Variants in ATG4C observed in about 807,000 individuals in gnomAD.
The protein encoded by ATG4C is cysteine protease ATG4C.
Under a neutral mutation model 57.6 loss-of-function variants are expected in ATG4C, and 56 were observed. That is an observed-to-expected ratio of 0.97 (90% CI 0.78 to 1.21). ATG4C has a LOEUF of 1.21. Ranked by LOEUF, ATG4C falls within the 50% of genes most tolerant of loss-of-function variation. The probability of loss-of-function intolerance (pLI) is 0.00; values close to 1 mark genes in which losing one functional copy is unlikely to be tolerated. For synonymous variants in ATG4C, 157 were observed against 174.1 expected (o/e 0.90, Z 0.78); for missense variants, 595 against 529.8 (o/e 1.12, Z -1.21).
intron 10 of ATG4C, among the ~76,000 whole-genome samples, chr1:62,850,140 A>G (rs2100355622): frequency 6.6e-6 from 1 of 152,288 alleles, no homozygotes; most frequent in African/African-American, 2.4e-5. Flanking sequence ...TACTAAATAA[A>G]TGACAACTCC....
At chr1:62,843,655 A>G (rs1666238208) in intron 10 of ATG4C, among the ~76,000 whole-genome samples, 1 of 152,166 alleles carries the variant, frequency 6.6e-6, no homozygotes, top group Non-Finnish European at 1.5e-5. Flanking sequence ...CTTATGCTAT[A>G]TGATTTTAAA....
chr1:62,799,573 A>G (rs978459682), intron 1 of ATG4C, among the ~76,000 whole-genome samples: 3 of 152,198 alleles, frequency 2.0e-5, no homozygotes, highest in African/African-American at 7.2e-5. Context: ...CTTTGAGGTT[A>G]GAATATTTGT....
At chr1:62,796,446 TA>T (rs1274167347) in intron 1 of ATG4C, among the ~76,000 whole-genome samples, 1 of 152,108 alleles carries the variant, frequency 6.6e-6, no homozygotes, top group Non-Finnish European at 1.5e-5. Context: ...CATGGGGAAT[TA>T]AATTGAGGAA....
chr1:62,821,624 A>G (rs974113668), intron 6 of ATG4C, among the ~76,000 whole-genome samples: 4 of 151,970 alleles, frequency 2.6e-5, no homozygotes, highest in Admixed American at 2.6e-4. Context: ...TGATGCAGCT[A>G]TTGTCCAGAT....
At chr1:62,850,897 T>C (rs1240814321) in intron 10 of ATG4C, among the ~76,000 whole-genome samples, 36 of 64,314 alleles carry the variant, frequency 5.6e-4, no homozygotes, top group South Asian at 2.5e-3. Context: ...TATATATATA[T>C]ATATACATAC....
chr1:62,844,131 T>C (rs973758333), intron 10 of ATG4C, among the ~76,000 whole-genome samples: 12 of 141,668 alleles, frequency 8.5e-5, no homozygotes, highest in Non-Finnish European at 3.0e-5. Flanking sequence ...TGCCAAGGCT[T>C]CATATTAGGC....
intron 7 of ATG4C, among the ~76,000 whole-genome samples, chr1:62,833,626 G>A (rs566630513): frequency 7.9e-5 from 12 of 152,226 alleles, no homozygotes; most frequent in African/African-American, 2.9e-4. Context: ...AATGAAAACA[G>A]CAGTAAGGAC....
At chr1:62,862,416 C>T (rs989964424) in intron 10 of ATG4C, among the ~76,000 whole-genome samples, 23 of 151,732 alleles carry the variant, frequency 1.5e-4, no homozygotes, top group Admixed American at 3.9e-4. Flanking sequence ...GATACTTGCC[C>T]GTTAGATACT....
intron 6 of ATG4C, among the ~76,000 whole-genome samples, 193 bp from the exon 7 acceptor site, chr1:62,828,847 T>G (rs1665750975): frequency 6.6e-6 from 1 of 152,128 alleles, no homozygotes; most frequent in Non-Finnish European, 1.5e-5. Flanking sequence ...AAGGAAGTGG[T>G]CCAGCTTCAG....
intron 1 of ATG4C, among the ~76,000 whole-genome samples, chr1:62,798,649 G>GA (rs1664551917): frequency 7.0e-6 from 1 of 143,108 alleles, no homozygotes; most frequent in Non-Finnish European, 1.5e-5. Flanking sequence ...TTTAATATTT[G>GA]TTTTTTTTTT....
chr1:62,854,471 G>T (rs1666615466), intron 10 of ATG4C, among the ~76,000 whole-genome samples: 1 of 151,796 alleles, frequency 6.6e-6, no homozygotes, highest in Non-Finnish European at 1.5e-5. Flanking sequence ...TAGAGACGGG[G>T]TTTCACCGTG....
intron 3 of ATG4C, among the ~76,000 whole-genome samples, chr1:62,810,483 G>A (rs962043154): frequency 3.3e-5 from 5 of 151,914 alleles, no homozygotes; most frequent in African/African-American, 7.3e-5. Flanking sequence ...ACAGACTTAC[G>A]GCTTTTCACA....
Position 62,809,879 on chromosome 1 carries a change from G to T in ATG4C, c.160+4624G>T, listed in dbSNP as rs143753257. Among the ~76,000 whole-genome samples, 456 of 152,048 alleles carry T rather than the reference G, an allele frequency of 3.0e-3. 1 individual carries two copies. Among genetic ancestry groups the T allele is most frequent in the Non-Finnish European group, 5.1e-3 (347 of 67,928 alleles). The stretch of plus-strand genomic sequence containing the variant: ...AATGAGATACTGTTCTTACTTATCA[G>T]ATATAATATACACAAATTTGAAGGT... On this transcript the variant is annotated intron_variant, in intron 3 of 10. Coordinates refer to ENST00000317868, the MANE Select transcript of ATG4C (RefSeq NM_032852.4).
At chr1:62,853,096 T>A (rs1265920697) in intron 10 of ATG4C, among the ~76,000 whole-genome samples, 2 of 152,264 alleles carry the variant, frequency 1.3e-5, no homozygotes. Context: ...TTATTGATAA[T>A]TTAATTAGAT....
At chr1:62,789,995 A>G (rs998834125) in intron 1 of ATG4C, among the ~76,000 whole-genome samples, 2 of 151,220 alleles carry the variant, frequency 1.3e-5, no homozygotes, top group Non-Finnish European at 2.9e-5. Context: ...GCTCACCGCA[A>G]CCTCTGCCTC....
chr1:62,848,052 CT>C (rs1191733205), intron 10 of ATG4C, among the ~76,000 whole-genome samples: 3 of 152,144 alleles, frequency 2.0e-5, no homozygotes, highest in African/African-American at 4.8e-5. Context: ...CTTTTATGTT[CT>C]TTTTTCTTTC....
intron 1 of ATG4C, among the ~76,000 whole-genome samples, chr1:62,792,947 C>T (rs564667026): frequency 2.0e-5 from 3 of 150,336 alleles, no homozygotes; most frequent in East Asian, 2.0e-4. Flanking sequence ...AGTGCAGTGG[C>T]GCGATGTCGG....
intron 10 of ATG4C, among the ~76,000 whole-genome samples, chr1:62,861,773 G>A (rs1182459795): frequency 6.6e-6 from 1 of 151,892 alleles, no homozygotes; most frequent in Non-Finnish European, 1.5e-5. Context: ...CTTTTTTAAG[G>A]ATTATGTAAT....
intron 9 of ATG4C, among the ~76,000 whole-genome samples, chr1:62,835,833 T>A (rs1210453222): frequency 6.6e-6 from 1 of 152,054 alleles, no homozygotes; most frequent in Admixed American, 6.6e-5. Flanking sequence ...GTTGACTGAT[T>A]GGTACTGGGG....
Sources: allele counts gnomAD v4.1 joint callset (sites outside exome capture counted in the v4.1 genomes callset), GRCh38; gene constraint gnomAD v4.1.1; transcripts MANE v1.5; gene names NCBI Gene and HGNC (gene_info 2026-07-23, HGNC 2026-07-21).